The following PPM1H variants were observed in gnomAD, a reference collection of about 807,000 sequenced individuals.
PPM1H encodes the protein protein phosphatase 1H.
In PPM1H, 27 loss-of-function variants were observed where a neutral mutation model predicts 54.9. That is an observed-to-expected ratio of 0.49 (90% confidence interval 0.36 to 0.68). The LOEUF (loss-of-function observed/expected upper bound fraction) is 0.68, where lower values mean the gene tolerates loss of function less well. Ranked by LOEUF, PPM1H falls within the 30% of genes least tolerant of loss-of-function variation. PPM1H has a pLI of 0.00. For synonymous variants in PPM1H, 305 were observed against 270.8 expected, an observed-to-expected ratio of 1.13 and a Z score of -1.24; for missense variants, 596 against 667.8, an observed-to-expected ratio of 0.89 and a Z score of 1.19.
intron 1 of PPM1H, among the ~76,000 whole-genome samples, chr12:62,931,847 A>C (rs900895132): frequency 6.6e-6 from 1 of 152,238 alleles, no homozygotes; most frequent in Admixed American, 6.5e-5. Flanking sequence ...AATAGTATAT[A>C]TTTAAGAAGA....
intron 2 of PPM1H, 65 bp from the exon 3 acceptor site, chr12:62,802,225 T>C (rs2076775257): frequency 7.5e-7 from 1 of 1,324,514 alleles, no homozygotes; most frequent in African/African-American, 1.5e-5. Context: ...GTCATACAGA[T>C]TGTGGGACAT....
intron 9 of PPM1H, among the ~76,000 whole-genome samples, chr12:62,654,329 G>A (rs959697076): frequency 1.3e-5 from 2 of 151,474 alleles, no homozygotes; most frequent in African/African-American, 2.4e-5. Flanking sequence ...AAATGGCCGA[G>A]TTTAACTATC....
chr12:62,755,922 C>T, intron 4 of PPM1H: 2 of 794,196 alleles, frequency 2.5e-6, no homozygotes, highest in Non-Finnish European at 2.2e-6. Context: ...ACTGGCATGG[C>T]CTTCTGTGTC....
chr12:62,689,879 G>T, intron 7 of PPM1H, 73 bp from the exon 8 acceptor site: 1 of 1,065,514 alleles, frequency 9.4e-7, no homozygotes, highest in Non-Finnish European at 1.4e-6. Flanking sequence ...CAGCTGCCTG[G>T]GCTAGGAACA....
chr12:62,737,830 A>C (rs921769590), intron 4 of PPM1H, among the ~76,000 whole-genome samples: 3 of 152,128 alleles, frequency 2.0e-5, no homozygotes, highest in Non-Finnish European at 4.4e-5. Context: ...GTGTGCCTTA[A>C]TGCTCCAGCC....
rs141516490 is a variant in PPM1H, at chr12:62,681,674, T to C, written c.1245+8025A>G. On this transcript the variant is annotated intron_variant, in intron 8 of 9. Transcript: ENST00000228705. ...TTAGATGATATACTTCTCCCTCCTA[T>C]ATCCAAATCCCCTAGTCCCTTAGAA... Among the ~76,000 whole-genome samples, 614 of 152,374 alleles carry C rather than the reference T, an allele frequency of 4.0e-3. 1 individual carries two copies. The highest frequency in any genetic ancestry group is 0.01 in the Middle Eastern group (3 of 294).
chr12:62,732,434 G>T (rs1360178096), intron 5 of PPM1H, among the ~76,000 whole-genome samples: 3 of 152,276 alleles, frequency 2.0e-5, no homozygotes, highest in South Asian at 4.2e-4. Flanking sequence ...GGATCAAAAT[G>T]GTTCATGTAG....
At chr12:62,764,296 G>A (rs1485209707) in intron 4 of PPM1H, among the ~76,000 whole-genome samples, 16 of 152,122 alleles carry the variant, frequency 1.1e-4, no homozygotes, top group African/African-American at 9.7e-5. Flanking sequence ...GCCAGGAGGG[G>A]GATATTTGTG....
rs191778703 is a variant in PPM1H at position 62,896,730 on chromosome 12, C to T, written c.245+37762G>A. On this transcript the variant is annotated intron_variant, in intron 1 of 9. Coordinates refer to ENST00000228705, the MANE Select transcript of PPM1H (RefSeq NM_020700.2). Reference sequence around the variant, plus strand: ...ATCTAGAACTAGAAATACCATTTGACCCAGCCATCCCATTACCGGGTATAT... The same window carrying T: ...ATCTAGAACTAGAAATACCATTTGATCCAGCCATCCCATTACCGGGTATAT... 2.0e-5 allele frequency among the ~76,000 whole-genome samples: 3 copies of T among 152,268 alleles called. No homozygotes were observed. The East Asian group carries it at 5.8e-4, about 29-fold the overall frequency.
intron 9 of PPM1H, chr12:62,658,860 A>T: frequency 1.7e-6 from 1 of 594,116 alleles, no homozygotes; most frequent in South Asian, 1.5e-5. Flanking sequence ...AAGATTGTCA[A>T]AAAAAGAACC....
At chr12:62,892,936 G>A (rs552528232) in intron 1 of PPM1H, among the ~76,000 whole-genome samples, 139 of 152,268 alleles carry the variant, frequency 9.1e-4, no homozygotes, top group African/African-American at 3.2e-3. Flanking sequence ...AAGAAACAAA[G>A]TCCTGGTCCC....
intron 1 of PPM1H, among the ~76,000 whole-genome samples, chr12:62,877,262 C>T (rs1199243675): frequency 6.6e-6 from 1 of 152,048 alleles, no homozygotes; most frequent in East Asian, 1.9e-4. Flanking sequence ...CTGTTGTGTC[C>T]GCAGATGCAC....
chr12:62,645,422 C>G lies in PPM1H; in HGVS notation c.*3067G>C, dbSNP rs1003885791. On this transcript the variant is annotated 3_prime_UTR_variant, in exon 10 of 10. Coordinates refer to ENST00000228705, the MANE Select transcript of PPM1H (RefSeq NM_020700.2). Reference sequence around the variant, plus strand: ...AAATTTCCACTGCTTAAGGCTTCATCCTATTAAGACAGCTGAGTACTTGGC... The same window carrying G: ...AAATTTCCACTGCTTAAGGCTTCATGCTATTAAGACAGCTGAGTACTTGGC... 6.6e-6 allele frequency: 1 copy of G among 152,254 alleles called. No individual in the cohort carries two copies. The highest frequency in any genetic ancestry group is 1.5e-5 in the Non-Finnish European group (1 of 68,060). 9.4% of individuals were successfully genotyped at this position (152,254 alleles called of 1,614,324 possible). A position where few individuals can be genotyped will look rare whatever the true frequency, so the allele number is the denominator to read the frequency against.
At chr12:62,922,782 C>T (rs921162482) in intron 1 of PPM1H, among the ~76,000 whole-genome samples, 8 of 152,278 alleles carry the variant, frequency 5.3e-5, no homozygotes, top group Admixed American at 1.3e-4. Context: ...ATCTCTACTT[C>T]AGAAGTATGG....
intron 1 of PPM1H, among the ~76,000 whole-genome samples, chr12:62,904,655 G>T (rs1201874009): frequency 6.6e-6 from 1 of 152,110 alleles, no homozygotes; most frequent in East Asian, 1.9e-4. Flanking sequence ...GTAAAGGCAG[G>T]AGGAATTTCC....
intron 9 of PPM1H, among the ~76,000 whole-genome samples, chr12:62,661,779 CAAGCTT>C (rs2075885144): frequency 6.6e-6 from 1 of 152,132 alleles, no homozygotes; most frequent in Admixed American, 6.5e-5. Flanking sequence ...GTCTTGAACT[CAAGCTT>C]AAGCCATCTT....
intron 9 of PPM1H, among the ~76,000 whole-genome samples, chr12:62,657,181 AC>A (rs1243103133): frequency 6.6e-6 from 1 of 151,778 alleles, no homozygotes; most frequent in Non-Finnish European, 1.5e-5. Flanking sequence ...GGAGTTCCCC[AC>A]CCCCATGAGA....
intron 3 of PPM1H, among the ~76,000 whole-genome samples, chr12:62,789,868 T>C (rs1196493040): frequency 6.6e-6 from 1 of 152,254 alleles, no homozygotes; most frequent in Non-Finnish European, 1.5e-5. Flanking sequence ...AATTCTGTGT[T>C]AGCGATAGAA....
chr12:62,733,421 AT>A (rs533657923), intron 5 of PPM1H, among the ~76,000 whole-genome samples: 1 of 151,504 alleles, frequency 6.6e-6, no homozygotes, highest in African/African-American at 2.4e-5. Flanking sequence ...TACCCAGCTG[AT>A]TTTTTTTGGT....
Sources: allele counts gnomAD v4.1 joint callset (sites outside exome capture counted in the v4.1 genomes callset), GRCh38; gene constraint gnomAD v4.1.1; transcripts MANE v1.5; gene names NCBI Gene and HGNC (gene_info 2026-07-23, HGNC 2026-07-21).